The following VRK2 variants were observed in gnomAD, a reference collection of about 807,000 sequenced individuals.
The protein encoded by VRK2 is serine/threonine-protein kinase VRK2.
In VRK2, 60 loss-of-function variants were observed where a neutral mutation model predicts 57.6. The observed-to-expected ratio is 1.04, with a 90% CI of 0.85 to 1.29. The LOEUF is 1.29. Ranked by LOEUF, VRK2 falls within the 50% of genes most tolerant of loss-of-function variation. The pLI is 0.00. For missense variants in VRK2, 705 were observed against 588.1 expected (o/e 1.20, Z -2.06); for synonymous variants, 231 against 199.2 (o/e 1.16, Z -1.35).
At chr2:57,996,529 G>A (rs971009358) in intron 1 of VRK2, among the ~76,000 whole-genome samples, 1 of 152,140 alleles carries the variant, frequency 6.6e-6, no homozygotes, top group African/African-American at 2.4e-5. Context: ...TCAAACATGC[G>A]CAGTCAACCT....
intron 8 of VRK2, among the ~76,000 whole-genome samples, chr2:58,124,455 T>G (rs895943874): frequency 6.6e-6 from 1 of 152,258 alleles, no homozygotes; most frequent in African/African-American, 2.4e-5. Context: ...TTTGTAAACT[T>G]TGTTTATAAA....
chr2:58,148,291 C>T (rs1228394513), intron 12 of VRK2, among the ~76,000 whole-genome samples: 1 of 151,782 alleles, frequency 6.6e-6, no homozygotes, highest in East Asian at 1.9e-4. Context: ...AGTTTGAGCA[C>T]TTTCACGTTT....
chr2:58,002,681 C>T (rs1417730796), intron 1 of VRK2, among the ~76,000 whole-genome samples: 4 of 151,348 alleles, frequency 2.6e-5, no homozygotes, highest in Non-Finnish European at 5.9e-5. Context: ...ATATTTTAGG[C>T]GAGGGAAAAG....
intron 3 of VRK2, among the ~76,000 whole-genome samples, chr2:58,034,931 T>C (rs1333988154): frequency 6.6e-6 from 1 of 151,992 alleles, no homozygotes; most frequent in Non-Finnish European, 1.5e-5. Context: ...ACATATGATA[T>C]AGTCCAAACG....
rs1015708609 is a variant in VRK2, at chr2:58,123,170, A to G, written c.613A>G (p.Asn205Asp). The G allele has an allele frequency of 1.3e-6, 2 of 1,595,400 alleles. No homozygotes were observed. The highest frequency in any genetic ancestry group is 1.7e-6 in the Non-Finnish European group (2 of 1,174,814). Residue 205 changes from asparagine (N) to aspartate (D), a missense_variant, in exon 8 of 13, where the codon AAT becomes GAT. Coordinates refer to ENST00000340157, the MANE Select transcript of VRK2 (RefSeq NM_006296.7). ...PNGNHKQYQE[N>D]PRKGHNGTIE... ...TGGGAACCACAAACAGTATCAGGAA[A>G]ATCCTAGAAAAGGCCATAATGGGAC... is the stretch of plus-strand genomic sequence containing the variant.
intron 1 of VRK2, among the ~76,000 whole-genome samples, chr2:57,972,162 G>A (rs1049707567): frequency 2.0e-4 from 30 of 151,714 alleles, no homozygotes; most frequent in Admixed American, 1.5e-3. Flanking sequence ...GCCACAATAT[G>A]GCAATTGTGG....
chr2:58,089,988 A>C (rs1159090296), intron 7 of VRK2, among the ~76,000 whole-genome samples: 1 of 152,230 alleles, frequency 6.6e-6, no homozygotes, highest in African/African-American at 2.4e-5. Context: ...ATTTCTGAGC[A>C]AATATAGATA....
Position 58,117,169 on chromosome 2 carries a change from C to T in VRK2, c.544-5932C>T, listed in dbSNP as rs369780828. On this transcript the variant is annotated intron_variant, in intron 7 of 12. Coordinates refer to ENST00000340157, the MANE Select transcript of VRK2 (RefSeq NM_006296.7). ...CCTTTTAGGGTCTAGGGCTGTAAAG[C>T]ATCTCAGGGTTGCTGCCACACAAGC... Among the ~76,000 whole-genome samples the T allele has an allele frequency of 4.6e-5, 7 of 152,156 alleles. No homozygotes were observed. The South Asian group carries it at 1.5e-3, about 32-fold the overall frequency.
At chr2:57,939,569 G>GT (rs200358204) in intron 1 of VRK2, among the ~76,000 whole-genome samples, 2,416 of 151,700 alleles carry the variant, frequency 0.016, 64 homozygotes, top group African/African-American at 0.055. Flanking sequence ...TGGTTTATAT[G>GT]TTTTTTTCCA....
intron 1 of VRK2, among the ~76,000 whole-genome samples, chr2:58,008,355 A>G (rs1480646012): frequency 6.6e-6 from 1 of 152,108 alleles, no homozygotes; most frequent in African/African-American, 2.4e-5. Context: ...GAAGATGAAA[A>G]GGAAGGAAGG....
chr2:57,950,154 T>C (rs1671381474), intron 1 of VRK2, among the ~76,000 whole-genome samples: 1 of 152,204 alleles, frequency 6.6e-6, no homozygotes, highest in Non-Finnish European at 1.5e-5. Context: ...ATTATCCAGA[T>C]AAAGCTAACA....
intron 7 of VRK2, among the ~76,000 whole-genome samples, chr2:58,114,467 A>G (rs532123365): frequency 2.6e-4 from 40 of 152,322 alleles, no homozygotes; most frequent in South Asian, 6.2e-4. Flanking sequence ...CTGGTGTCCA[A>G]TGAGACTGGG....
chr2:57,920,144 G>A, intron 1 of VRK2, among the ~76,000 whole-genome samples: 1 of 152,048 alleles, frequency 6.6e-6, no homozygotes. Flanking sequence ...TTACATGGTA[G>A]CCATCTTCAC....
At chr2:58,042,607 T>C (rs996795913), upstream of VRK2, among the ~76,000 whole-genome samples, 1 of 152,204 alleles carries the variant, frequency 6.6e-6, no homozygotes, top group African/African-American at 2.4e-5. Flanking sequence ...AAAGTATGCT[T>C]ACTAAATGGT....
intron 2 of VRK2, among the ~76,000 whole-genome samples, chr2:58,066,401 T>A (rs1304001300): frequency 6.6e-6 from 1 of 152,220 alleles, no homozygotes; most frequent in Admixed American, 6.5e-5. Flanking sequence ...ATTGAAACAT[T>A]CTTGCATTCC....
intron 2 of VRK2, among the ~76,000 whole-genome samples, chr2:58,078,857 A>G (rs903471050): frequency 6.6e-6 from 1 of 152,014 alleles, no homozygotes; most frequent in African/African-American, 2.4e-5. Flanking sequence ...TTATTATTTT[A>G]GAGAAAGGGT....
intron 1 of VRK2, among the ~76,000 whole-genome samples, chr2:57,937,750 CT>C (rs1382868821): frequency 3.3e-5 from 5 of 151,856 alleles, no homozygotes; most frequent in Non-Finnish European, 7.4e-5. Context: ...GATCAAATCA[CT>C]TTTGGTAACT....
intron 10 of VRK2, among the ~76,000 whole-genome samples, chr2:58,137,156 T>TTATATATATCATATATATCA (rs1382902188): frequency 2.0e-4 from 5 of 24,442 alleles, no homozygotes; most frequent in Admixed American, 6.7e-4. Context: ...TATCATGTGT[T>TTATATATATCATATATATCA]TATATATATC....
intron 1 of VRK2, among the ~76,000 whole-genome samples, chr2:58,004,995 G>A (rs980095879): frequency 6.6e-6 from 1 of 152,066 alleles, no homozygotes; most frequent in African/African-American, 2.4e-5. Flanking sequence ...ACCAGTTAGT[G>A]GCCCATTTAC....
Sources: allele counts gnomAD v4.1 joint callset (sites outside exome capture counted in the v4.1 genomes callset), GRCh38; gene constraint gnomAD v4.1.1; transcripts MANE v1.5; gene names NCBI Gene and HGNC (gene_info 2026-07-23, HGNC 2026-07-21).